Variants in AUTS2 observed in about 807,000 individuals in gnomAD.
AUTS2 encodes the protein autism susceptibility gene 2 protein.
In AUTS2, 17 loss-of-function variants were observed where a neutral mutation model predicts 112.4. The ratio of observed to expected loss-of-function variants is 0.15; its 90% CI spans 0.10 to 0.23. The LOEUF (loss-of-function observed/expected upper bound fraction) is 0.23, where lower values mean the gene tolerates loss of function less well. AUTS2 is among the 10% of genes least tolerant of loss of function. The probability of loss-of-function intolerance (pLI) is 1.00; values close to 1 mark genes in which losing one functional copy is unlikely to be tolerated. For missense variants in AUTS2, 1,510 were observed against 1,701.6 expected (o/e 0.89, Z 1.98); for synonymous variants, 751 against 702.7 (o/e 1.07, Z -1.09).
Position 69,984,380 on chromosome 7 carries a change from C to T in AUTS2, c.522+84882C>T, listed in dbSNP as rs1003790785. ...CAAGATCACGCCACTGCACTCCAGC[C>T]TGGGCGACAGAGTGAGACTCTGTCT... On this transcript the variant is annotated intron_variant, in intron 2 of 18. Coordinates refer to ENST00000342771, the MANE Select transcript of AUTS2 (RefSeq NM_015570.4). 3.0e-5 allele frequency among the ~76,000 whole-genome samples: 4 copies of T among 135,490 alleles called. No homozygotes were observed. The South Asian group carries it at 9.5e-4, about 32-fold the overall frequency. The allele number at this position is 135,490 out of a possible 152,430, so 88.9% of individuals were successfully genotyped here. A position where few individuals can be genotyped will look rare whatever the true frequency, so the allele number is the denominator to read the frequency against.
chr7:69,747,493 G>A (rs1776116644), intron 1 of AUTS2, among the ~76,000 whole-genome samples: 1 of 152,180 alleles, frequency 6.6e-6, no homozygotes, highest in South Asian at 2.1e-4. Flanking sequence ...CTGAATATAA[G>A]CTCTGGACTG....
intron 2 of AUTS2, among the ~76,000 whole-genome samples, chr7:70,117,113 T>G (rs1232239206): frequency 4.0e-5 from 4 of 100,318 alleles, no homozygotes; most frequent in African/African-American, 2.0e-4. Context: ...TGTTTTTTTT[T>G]TTTGTTTTTT....
chr7:70,158,084 G>A (rs1177237292), intron 4 of AUTS2, among the ~76,000 whole-genome samples: 1 of 152,162 alleles, frequency 6.6e-6, no homozygotes, highest in African/African-American at 2.4e-5. Context: ...CATTTGGAAA[G>A]ACCCAAAGTG....
At chr7:70,738,929 G>T in intron 6 of AUTS2, among the ~76,000 whole-genome samples, 1 of 142,784 alleles carries the variant, frequency 7.0e-6, no homozygotes, top group East Asian at 2.2e-4. Flanking sequence ...CCCCCACTTT[G>T]TAGACAACAC....
intron 5 of AUTS2, among the ~76,000 whole-genome samples, chr7:70,520,732 A>T (rs560242822): frequency 3.3e-4 from 51 of 152,324 alleles, no homozygotes; most frequent in Non-Finnish European, 6.3e-4. Context: ...CACCTTGAGC[A>T]GTGCCTGGTA....
At chr7:70,503,842 GA>G (rs35663680) in intron 5 of AUTS2, among the ~76,000 whole-genome samples, 260 of 135,768 alleles carry the variant, frequency 1.9e-3, no homozygotes, top group African/African-American at 4.4e-3. Context: ...TAAAAATAAG[GA>G]AAAAAAAAAA....
intron 5 of AUTS2, among the ~76,000 whole-genome samples, chr7:70,689,364 G>C (rs536964113): frequency 2.6e-5 from 4 of 152,182 alleles, no homozygotes; most frequent in African/African-American, 9.6e-5. Context: ...CTGGGTGATA[G>C]AGCAAGACCC....
chr7:70,152,841 A>G (rs1294496528), intron 4 of AUTS2, among the ~76,000 whole-genome samples: 1 of 152,202 alleles, frequency 6.6e-6, no homozygotes, highest in Non-Finnish European at 1.5e-5. Context: ...TAAAATGGCT[A>G]AAATGAAAAT....
intron 4 of AUTS2, among the ~76,000 whole-genome samples, chr7:70,395,501 TC>T (rs1794040199): frequency 6.6e-6 from 1 of 152,236 alleles, no homozygotes; most frequent in Non-Finnish European, 1.5e-5. Context: ...TAATAGCTCA[TC>T]CAACTGATAA....
intron 1 of AUTS2, among the ~76,000 whole-genome samples, chr7:69,844,512 C>T (rs1792110709): frequency 6.6e-6 from 1 of 152,050 alleles, no homozygotes; most frequent in African/African-American, 2.4e-5. Context: ...AGAGAGGAAA[C>T]ATGACAGACA....
intron 4 of AUTS2, among the ~76,000 whole-genome samples, chr7:70,137,914 C>A (rs1168154488): frequency 1.3e-5 from 2 of 152,108 alleles, no homozygotes; most frequent in Admixed American, 6.6e-5. Flanking sequence ...TTCTCAGGAG[C>A]ACAGCTTTTG....
intron 2 of AUTS2, among the ~76,000 whole-genome samples, chr7:69,990,171 G>C (rs1056775097): frequency 1.3e-5 from 2 of 152,122 alleles, no homozygotes; most frequent in African/African-American, 4.8e-5. Flanking sequence ...TGTAAAATAG[G>C]GTTACTAATG....
intron 1 of AUTS2, among the ~76,000 whole-genome samples, chr7:69,715,186 C>CA (rs1251771023): frequency 7.5e-6 from 1 of 133,608 alleles, no homozygotes; most frequent in African/African-American, 2.9e-5. Context: ...ACAATTGATA[C>CA]AGCTCCTTCT....
intron 4 of AUTS2, among the ~76,000 whole-genome samples, chr7:70,332,274 C>A (rs1028123415): frequency 3.3e-5 from 5 of 152,138 alleles, no homozygotes; most frequent in Non-Finnish European, 7.4e-5. Flanking sequence ...AGGACCTCTT[C>A]AAGGAGAACT....
intron 5 of AUTS2, among the ~76,000 whole-genome samples, chr7:70,486,976 C>T (rs960065717): frequency 2.0e-5 from 3 of 149,228 alleles, no homozygotes; most frequent in Non-Finnish European, 4.4e-5. Context: ...CTAGGCCCCA[C>T]AGGGCCTTTC....
intron 4 of AUTS2, among the ~76,000 whole-genome samples, chr7:70,230,664 T>G (rs1275770991): frequency 1.3e-5 from 2 of 152,232 alleles, no homozygotes; most frequent in African/African-American, 2.4e-5. Context: ...TGCAGCTTTG[T>G]GCATATGCAC....
At chr7:70,034,977 A>C (rs1163395795) in intron 2 of AUTS2, among the ~76,000 whole-genome samples, 1 of 152,042 alleles carries the variant, frequency 6.6e-6, no homozygotes, top group Non-Finnish European at 1.5e-5. Flanking sequence ...GACTATAGTC[A>C]CGTGCCATTA....
intron 1 of AUTS2, among the ~76,000 whole-genome samples, chr7:69,815,517 A>T (rs775705041): frequency 1.5e-4 from 23 of 151,948 alleles, no homozygotes; most frequent in Non-Finnish European, 3.4e-4. Context: ...AGGCCTCTTT[A>T]TGACTACTTT....
At chr7:69,883,039 A>G (rs1794122735) in intron 1 of AUTS2, among the ~76,000 whole-genome samples, 1 of 152,204 alleles carries the variant, frequency 6.6e-6, no homozygotes, top group African/African-American at 2.4e-5. Flanking sequence ...CCTGTATTCC[A>G]GGAGAAGAAA....
Sources: allele counts gnomAD v4.1 joint callset (sites outside exome capture counted in the v4.1 genomes callset), GRCh38; gene constraint gnomAD v4.1.1; transcripts MANE v1.5; gene names NCBI Gene and HGNC (gene_info 2026-07-23, HGNC 2026-07-21).